GALNT13: variants seen among roughly 807,000 people sequenced by gnomAD.
GALNT13 encodes the protein polypeptide N-acetylgalactosaminyltransferase 13.
A neutral mutation model predicts 64.2 loss-of-function variants in GALNT13; 28 were observed. The ratio of observed to expected loss-of-function variants is 0.44; its 90% CI spans 0.32 to 0.60. The LOEUF (loss-of-function observed/expected upper bound fraction) is 0.60, where lower values mean the gene tolerates loss of function less well. GALNT13 is among the 20% of genes least tolerant of loss of function. The probability of loss-of-function intolerance (pLI) is 0.05; values close to 1 mark genes in which losing one functional copy is unlikely to be tolerated. For synonymous variants in GALNT13, 214 were observed against 224.6 expected, an observed-to-expected ratio of 0.95 and a Z score of 0.42; for missense variants, 577 against 669.8, an observed-to-expected ratio of 0.86 and a Z score of 1.53.
the GALNT13 span, among the ~76,000 whole-genome samples, chr2:153,856,971 A>C: frequency 6.6e-6 from 1 of 152,176 alleles, no homozygotes; most frequent in Non-Finnish European, 1.5e-5. Flanking sequence ...GCATGAACAC[A>C]GAATTGGGCA....
intron 3 of GALNT13, among the ~76,000 whole-genome samples, chr2:153,994,677 G>GC (rs1195565804): frequency 6.6e-6 from 1 of 152,150 alleles, no homozygotes; most frequent in East Asian, 1.9e-4. Flanking sequence ...GTGATGATGA[G>GC]CATTTTTTGA....
the GALNT13 span, among the ~76,000 whole-genome samples, chr2:153,679,496 T>G: frequency 0.41 from 61,935 of 151,796 alleles, 13,537 homozygotes; most frequent in East Asian, 0.82. Flanking sequence ...CTAAAAAATG[T>G]ACATGCATTA....
At chr2:153,793,694 C>T in the GALNT13 span, among the ~76,000 whole-genome samples, 7 of 150,326 alleles carry the variant, frequency 4.7e-5, no homozygotes, top group Non-Finnish European at 8.9e-5. Context: ...TCCCATATTA[C>T]ATGTTATGTA....
the GALNT13 span, among the ~76,000 whole-genome samples, chr2:153,522,565 G>A: frequency 6.6e-6 from 1 of 152,112 alleles, no homozygotes; most frequent in East Asian, 1.9e-4. Flanking sequence ...CATCCTAAAA[G>A]GAGTATAGTG....
chr2:154,293,941 C>A (rs919631998), intron 8 of GALNT13, among the ~76,000 whole-genome samples: 2 of 152,152 alleles, frequency 1.3e-5, no homozygotes, highest in African/African-American at 4.8e-5. Context: ...CTTAGTATTA[C>A]TATGAGTAGA....
At chr2:153,822,137 C>A in the GALNT13 span, among the ~76,000 whole-genome samples, 1 of 152,062 alleles carries the variant, frequency 6.6e-6, no homozygotes, top group African/African-American at 2.4e-5. Flanking sequence ...GGATTCACAG[C>A]CAAATTCTAT....
the GALNT13 span, among the ~76,000 whole-genome samples, chr2:153,692,145 C>T: frequency 6.6e-6 from 1 of 152,198 alleles, no homozygotes; most frequent in Admixed American, 6.5e-5. Flanking sequence ...GAAGTAAATA[C>T]TACATTATTC....
chr2:153,407,828 C>A, the GALNT13 span, among the ~76,000 whole-genome samples: 1 of 152,082 alleles, frequency 6.6e-6, no homozygotes, highest in East Asian at 1.9e-4. Flanking sequence ...ATGCTAATAG[C>A]AGGAAGATTA....
At chr2:154,319,700 C>A (rs771552553) in intron 9 of GALNT13, among the ~76,000 whole-genome samples, 6 of 151,660 alleles carry the variant, frequency 4.0e-5, no homozygotes, top group Non-Finnish European at 8.8e-5. Flanking sequence ...TAATGTGATC[C>A]CATTTTAACT....
At chr2:154,432,653 C>T (rs1251937145) in intron 11 of GALNT13, among the ~76,000 whole-genome samples, 1 of 152,196 alleles carries the variant, frequency 6.6e-6, no homozygotes, top group Non-Finnish European at 1.5e-5. Flanking sequence ...TGTTTGCCAA[C>T]AATCCTTGGT....
At chr2:154,121,081 G>C (rs998767165) in intron 3 of GALNT13, among the ~76,000 whole-genome samples, 2 of 152,140 alleles carry the variant, frequency 1.3e-5, no homozygotes, top group East Asian at 3.9e-4. Flanking sequence ...TCTCTGTCTG[G>C]TATTGTGCCG....
At chr2:153,345,635 T>TTTCTTTCTTTCTTTC in the GALNT13 span, among the ~76,000 whole-genome samples, 2 of 68,806 alleles carry the variant, frequency 2.9e-5, no homozygotes, top group Non-Finnish European at 6.0e-5. Context: ...TTTCCTTTCT[T>TTTCTTTCTTTCTTTC]TTTCTTTCTT....
At chr2:154,428,010 A>G (rs1210059813) in intron 11 of GALNT13, among the ~76,000 whole-genome samples, 1 of 152,338 alleles carries the variant, frequency 6.6e-6, no homozygotes, top group African/African-American at 2.4e-5. Context: ...TGATTTCAAT[A>G]CAAATTTTCT....
At chr2:154,393,255 A>G (rs925261251) in intron 9 of GALNT13, among the ~76,000 whole-genome samples, 4 of 152,232 alleles carry the variant, frequency 2.6e-5, no homozygotes, top group Admixed American at 2.6e-4. Context: ...ACTAAATCAT[A>G]CAGCACAAGA....
At chr2:153,965,600 TTTC>T (rs775907032) in intron 3 of GALNT13, among the ~76,000 whole-genome samples, 43 of 152,070 alleles carry the variant, frequency 2.8e-4, no homozygotes, top group Non-Finnish European at 5.4e-4. Context: ...AATCCTTTCT[TTTC>T]TTCTTCTTAA....
the GALNT13 span, among the ~76,000 whole-genome samples, chr2:153,630,392 G>A: frequency 4.7e-5 from 7 of 149,504 alleles, no homozygotes; most frequent in Middle Eastern, 3.5e-3. Flanking sequence ...GTAAACTTTC[G>A]CAAGGACAAA....
At chr2:154,139,418 T>G (rs1274334034) in intron 3 of GALNT13, among the ~76,000 whole-genome samples, 1 of 151,960 alleles carries the variant, frequency 6.6e-6, no homozygotes, top group Non-Finnish European at 1.5e-5. Flanking sequence ...GAAATTAAAC[T>G]CAGTAAGATT....
the GALNT13 span, among the ~76,000 whole-genome samples, chr2:153,650,596 C>T: frequency 1.9e-4 from 29 of 152,276 alleles, no homozygotes; most frequent in African/African-American, 6.5e-4. Flanking sequence ...TTTGCAGTGG[C>T]TGGTACAGGT....
At chr2:154,403,092 C>G (rs1209276551) in intron 10 of GALNT13, among the ~76,000 whole-genome samples, 1 of 152,122 alleles carries the variant, frequency 6.6e-6, no homozygotes, top group African/African-American at 2.4e-5. Context: ...TTATGTGCTT[C>G]TATCTGCCCC....
Sources: gnomAD v4.1 joint callset for allele counts (sites outside exome capture counted in the v4.1 genomes callset) on GRCh38, gnomAD v4.1.1 for gene constraint, MANE v1.5 for transcripts, NCBI Gene and HGNC (gene_info 2026-07-23, HGNC 2026-07-21) for gene names.